Variants in UBE3A observed in about 807,000 individuals in gnomAD.
UBE3A encodes ubiquitin protein ligase E3A.
UBE3A carries 6 observed loss-of-function variants against 83.4 expected under a neutral mutation model. The ratio of observed to expected loss-of-function variants is 0.07; its 90% confidence interval spans 0.04 to 0.14. UBE3A has a LOEUF of 0.14. Ranked by LOEUF, UBE3A falls within the 10% of genes least tolerant of loss-of-function variation. The pLI, the probability that UBE3A is intolerant of heterozygous loss-of-function variation, is 1.00. For missense variants in UBE3A, 456 were observed against 1,036.1 expected (o/e 0.44, Z 7.69); for synonymous variants, 337 against 355.4 (o/e 0.95, Z 0.58).
chr15:25,367,348 A>C (rs1023728721), intron 6 of UBE3A, among the ~76,000 whole-genome samples: 5 of 151,426 alleles, frequency 3.3e-5, no homozygotes, highest in African/African-American at 9.7e-5. Flanking sequence ...ATTTGTAAAT[A>C]TGGTTTTACA....
intron 9 of UBE3A, 43 bp downstream of exon 9, chr15:25,355,849 G>A (rs2152693211): frequency 6.4e-7 from 1 of 1,558,804 alleles, no homozygotes; most frequent in East Asian, 2.3e-5. Flanking sequence ...TGCTTTGAAA[G>A]TGTTAATGAA....
At position 25,436,127 on chromosome 15, in the gene UBE3A, C is replaced by T. The variant is rs2153191693; in HGVS notation, c.-165+2362G>A. On this transcript the variant is annotated intron_variant, in intron 1 of 12. Coordinates refer to ENST00000648336, the MANE Select transcript of UBE3A (RefSeq NM_130839.5). ...TACATACCAAGATGTCTTGTTACTACATTTTATCCTTACATTTGGCAGTGA... is the reference window on the plus strand; with the variant it reads ...TACATACCAAGATGTCTTGTTACTATATTTTATCCTTACATTTGGCAGTGA... Among the ~76,000 whole-genome samples the T allele has an allele frequency of 2.6e-5, 4 of 152,266 alleles. 1 individual carries two copies. The Middle Eastern group carries it at 0.01, about 388-fold the overall frequency.
chr15:25,343,741 G>C (rs924735093), intron 11 of UBE3A, among the ~76,000 whole-genome samples: 1 of 149,754 alleles, frequency 6.7e-6, no homozygotes, highest in African/African-American at 2.4e-5. Flanking sequence ...ATTTACCAGC[G>C]TTAAAGGACT....
In UBE3A at chr15:25,398,787, A is replaced by AAATACATATATTCTTTTATT. The variant is rs1567067741; in HGVS notation, c.62+6673_62+6674insAATAAAAGAATATATGTATT. 9.6e-4 allele frequency among the ~76,000 whole-genome samples: 37 copies of AAATACATATATTCTTTTATT among 38,502 alleles called. 1 individual carries two copies. Among genetic ancestry groups the AAATACATATATTCTTTTATT allele is most frequent in the Admixed American group, 2.5e-3 (8 of 3,254 alleles). 25.3% of individuals were successfully genotyped at this position (38,502 alleles called of 152,430 possible). A position where few individuals can be genotyped will look rare whatever the true frequency, so the allele number is the denominator to read the frequency against. The stretch of plus-strand genomic sequence containing the variant: ...TTCTTTTATTTATATATATATATAT[A>AAATACATATATTCTTTTATT]TATATATATATATATATATATATAT... On this transcript the variant is annotated intron_variant, in intron 4 of 12. Coordinates refer to ENST00000648336, the MANE Select transcript of UBE3A (RefSeq NM_130839.5).
Position 25,354,441 on chromosome 15 carries a change from A to G in UBE3A, c.2281-15T>C, listed in dbSNP as rs767720713. On this transcript the variant is annotated splice_polypyrimidine_tract_variant and intron_variant, in intron 10 of 12. Coordinates refer to ENST00000648336, the MANE Select transcript of UBE3A (RefSeq NM_130839.5). ...AAATCTAGATTCTGCAAATTCAAGA[A>G]AATATGTCTTAGTTATCTGCTATAC... 48 of 1,613,358 alleles carry G rather than the reference A, an allele frequency of 3.0e-5. 2 individuals carry two copies. In the South Asian group the frequency reaches 4.8e-4, roughly 16 times the overall value.
In UBE3A at chr15:25,370,478, A is replaced by AT. The variant is rs1441843913; in HGVS notation, c.1608+87dup. 2.0e-6 allele frequency: 3 copies of AT among 1,498,336 alleles called. No individual in the cohort carries two copies. The highest frequency in any genetic ancestry group is 2.8e-6 in the Non-Finnish European group (3 of 1,075,180). 92.8% of individuals were successfully genotyped at this position (1,498,336 alleles called of 1,614,324 possible). ...ATGTGTTCCTATGCTATATGGTATC[A>AT]TTTTTTTCAGTCACTTTTAAAATGA... On this transcript the variant is annotated intron_variant, in intron 6 of 12. Coordinates refer to ENST00000648336, the MANE Select transcript of UBE3A (RefSeq NM_130839.5). This position sits in a 1 kb window ranked among gnomAD's most constrained non-coding sequence, Gnocchi z 4.2.
chr15:25,432,188 G>A (rs983154845), intron 1 of UBE3A, among the ~76,000 whole-genome samples: 1 of 152,204 alleles, frequency 6.6e-6, no homozygotes, highest in Non-Finnish European at 1.5e-5. Context: ...GATTACAAGA[G>A]TGCAAGAAAG....
At chr15:25,405,592 A>G (rs2088325059) in intron 3 of UBE3A, 90 bp from the exon 4 acceptor site, 6 of 1,382,376 alleles carry the variant, frequency 4.3e-6, no homozygotes, top group Non-Finnish European at 6.2e-6. Flanking sequence ...AATTTTGTAA[A>G]CAAGATTTAA....
intron 2 of UBE3A, among the ~76,000 whole-genome samples, chr15:25,409,943 A>G (rs1008804524): frequency 6.6e-6 from 1 of 150,736 alleles, no homozygotes; most frequent in African/African-American, 2.4e-5. Flanking sequence ...GAACTGAACA[A>G]TGAGAACACA....
At chr15:25,413,158 AT>A (rs2090299365) in intron 1 of UBE3A, 1 of 344,398 alleles carries the variant, frequency 2.9e-6, no homozygotes, top group Non-Finnish European at 5.6e-6. Context: ...TCACTTGCCA[AT>A]TTAACCATAA....
At position 25,339,113 on chromosome 15, in the gene UBE3A, T is replaced by C; in HGVS notation, c.*24A>G. ...TTCTTTTTTTTTCCTTCCTTTTTTT[T>C]GTTTTATTTTGTTTTGTTTTGTTTT... On this transcript the variant is annotated 3_prime_UTR_variant, in exon 13 of 13. Transcript: ENST00000648336. 2.0e-6 allele frequency: 3 copies of C among 1,468,474 alleles called. No homozygotes were observed. The highest frequency in any genetic ancestry group is 2.7e-6 in the Non-Finnish European group (3 of 1,101,140). 91.0% of individuals were successfully genotyped at this position (1,468,474 alleles called of 1,614,324 possible).
At chr15:25,339,303 G>T in intron 12 of UBE3A, 46 bp from the exon 13 acceptor site, 1 of 1,599,590 alleles carries the variant, frequency 6.3e-7, no homozygotes, top group East Asian at 2.2e-5. Context: ...GTAAGTCATG[G>T]GAAATACACT....
At chr15:25,402,891 G>A (rs906084407) in intron 4 of UBE3A, among the ~76,000 whole-genome samples, 1 of 152,190 alleles carries the variant, frequency 6.6e-6, no homozygotes, top group Non-Finnish European at 1.5e-5. Context: ...ACAATGAGAT[G>A]AGTGCTGCAA....
chr15:25,392,059 C>A (rs942803899), intron 4 of UBE3A, among the ~76,000 whole-genome samples: 1 of 152,012 alleles, frequency 6.6e-6, no homozygotes. Flanking sequence ...GAAGACAAAA[C>A]CAGAAGGCAT....
intron 4 of UBE3A, among the ~76,000 whole-genome samples, chr15:25,378,088 T>C (rs1441364071): frequency 6.6e-6 from 1 of 152,206 alleles, no homozygotes; most frequent in African/African-American, 2.4e-5. Context: ...ATAGCAGTTA[T>C]AAAACTTCAT....
intron 4 of UBE3A, among the ~76,000 whole-genome samples, chr15:25,397,900 ACCT>A (rs1444631435): frequency 2.6e-5 from 4 of 151,982 alleles, no homozygotes; most frequent in South Asian, 2.1e-4. Context: ...AGACATCTTC[ACCT>A]CCTCATTTCA....
At chr15:25,357,695 T>C (rs74247860) in intron 7 of UBE3A, 1 of 152,106 alleles carries the variant, frequency 6.6e-6, no homozygotes, top group East Asian at 1.9e-4. Flanking sequence ...TTTTCAAAAT[T>C]AGACAATGGT....
chr15:25,394,638 ATGGAGCACAG>A, intron 4 of UBE3A, among the ~76,000 whole-genome samples: 1 of 152,316 alleles, frequency 6.6e-6, no homozygotes, highest in African/African-American at 2.4e-5. Context: ...CATGTGGATT[ATGGAGCACAG>A]TCACTTGCTA....
At chr15:25,382,612 AAT>A (rs1452107691) in intron 4 of UBE3A, among the ~76,000 whole-genome samples, 6 of 152,102 alleles carry the variant, frequency 3.9e-5, no homozygotes, top group South Asian at 4.1e-4. Flanking sequence ...GCTAAAATAA[AAT>A]AGAGAAAAAT....
Sources: allele counts gnomAD v4.1 joint callset (sites outside exome capture counted in the v4.1 genomes callset), GRCh38; gene constraint gnomAD v4.1.1; non-coding constraint Gnocchi (gnomAD v3.1); transcripts MANE v1.5; gene names NCBI Gene and HGNC (gene_info 2026-07-23, HGNC 2026-07-21).